Variants in OXR1 observed in about 807,000 individuals in gnomAD.
OXR1 encodes the protein oxidation resistance protein 1.
OXR1 carries 41 observed loss-of-function variants against 104.6 expected under a neutral mutation model. The observed-to-expected ratio is 0.39, with a 90% CI of 0.31 to 0.51. The LOEUF (loss-of-function observed/expected upper bound fraction) is 0.51, where lower values mean the gene tolerates loss of function less well. Among genes scored for constraint, OXR1 ranks in the 20% least tolerant of loss-of-function variants. The pLI is 0.77. For missense variants in OXR1, 955 were observed against 1,031.9 expected (o/e 0.93, Z 1.02); for synonymous variants, 348 against 348.4 (o/e 1.00, Z 0.01).
intron 3 of OXR1, among the ~76,000 whole-genome samples, chr8:106,524,922 CCT>C (rs1177795389): frequency 6.6e-6 from 1 of 152,158 alleles, no homozygotes; most frequent in Non-Finnish European, 1.5e-5. Flanking sequence ...TCACCATCCT[CCT>C]CTGTTTTTGC....
At chr8:106,615,612 A>G (rs1436351324) in intron 3 of OXR1, among the ~76,000 whole-genome samples, 1 of 151,298 alleles carries the variant, frequency 6.6e-6, no homozygotes, top group African/African-American at 2.4e-5. Flanking sequence ...TGTCTCAAAA[A>G]AAAAAAAAAA....
chr8:106,554,317 C>T (rs185635133), intron 3 of OXR1, among the ~76,000 whole-genome samples: 1 of 152,288 alleles, frequency 6.6e-6, no homozygotes, highest in Admixed American at 6.5e-5. Context: ...TACAAAATAG[C>T]CAGCACTCCT....
Position 106,386,964 on chromosome 8 carries a change from C to T in OXR1, c.23+27328C>T, listed in dbSNP as rs141415594. ...ATGATTGGAGGTGGGAATGAAACAG[C>T]AGGAGAAATAGTGATGAAGCTGCTT... On this transcript the variant is annotated intron_variant, in intron 2 of 16. Coordinates refer to ENST00000517566, the MANE Select transcript of OXR1 (RefSeq NM_001198533.2). Among the ~76,000 whole-genome samples the T allele has an allele frequency of 9.1e-4, 139 of 152,122 alleles. 1 individual carries two copies. The highest frequency in any genetic ancestry group is 3.2e-3 in the African/African-American group (134 of 41,522).
chr8:106,333,767 C>G (rs1027117145), intron 1 of OXR1, among the ~76,000 whole-genome samples: 2 of 152,046 alleles, frequency 1.3e-5, no homozygotes, highest in Non-Finnish European at 2.9e-5. Context: ...ATTCAATTGA[C>G]CATGGATATA....
In OXR1 at chr8:106,366,677, A is replaced by C. The variant is rs372810066; in HGVS notation, c.23+7041A>C. Among the ~76,000 whole-genome samples the C allele has an allele frequency of 1.1e-4, 16 of 152,334 alleles. No individual in the cohort carries two copies. In the East Asian group the frequency reaches 2.7e-3, roughly 26 times the overall value. On this transcript the variant is annotated intron_variant, in intron 2 of 16. Transcript: ENST00000517566. Reference sequence around the variant, plus strand: ...ATAGGAAAAGCTTAGCTGTGAGATAATATGAGTATTTCTCAGTGGTAAGTT... The same window carrying C: ...ATAGGAAAAGCTTAGCTGTGAGATACTATGAGTATTTCTCAGTGGTAAGTT...
In OXR1 at chr8:106,736,837, GAAAT is replaced by G. The variant is rs201172711; in HGVS notation, c.1957-679_1957-676del. ...TAAATGATACAGTAAAAACCATAAA[GAAAT>G]AAAACAGGAGAGAGGCAAAAAGTGG... On this transcript the variant is annotated intron_variant, in intron 11 of 16. Coordinates refer to ENST00000517566, the MANE Select transcript of OXR1 (RefSeq NM_001198533.2). Among the ~76,000 whole-genome samples the G allele has an allele frequency of 8.3e-3, 1,256 of 151,866 alleles. 11 individuals are homozygous for G. The highest frequency in any genetic ancestry group is 0.014 in the Non-Finnish European group (927 of 67,890).
chr8:106,412,327 G>A (rs1818489964), intron 2 of OXR1, among the ~76,000 whole-genome samples: 1 of 152,074 alleles, frequency 6.6e-6, no homozygotes, highest in Non-Finnish European at 1.5e-5. Context: ...TGCTTCAAAT[G>A]GTAGGATGGG....
chr8:106,680,860 G>T (rs575366119), intron 4 of OXR1, among the ~76,000 whole-genome samples: 2 of 151,498 alleles, frequency 1.3e-5, no homozygotes, highest in Non-Finnish European at 2.9e-5. Flanking sequence ...TCTCATTTCC[G>T]TTCCCTTTCA....
At chr8:106,366,545 T>A (rs571005653) in intron 2 of OXR1, among the ~76,000 whole-genome samples, 1 of 152,322 alleles carries the variant, frequency 6.6e-6, no homozygotes, top group African/African-American at 2.4e-5. Context: ...TGTAAGTGTA[T>A]AAAATTATCA....
intron 3 of OXR1, among the ~76,000 whole-genome samples, chr8:106,631,202 T>A (rs1401081939): frequency 6.6e-6 from 1 of 152,202 alleles, no homozygotes; most frequent in East Asian, 1.9e-4. Context: ...TAATCCTCCT[T>A]ATACCCTAGT....
chr8:106,458,658 G>A (rs1489388011), intron 2 of OXR1, among the ~76,000 whole-genome samples: 1 of 152,090 alleles, frequency 6.6e-6, no homozygotes, highest in Non-Finnish European at 1.5e-5. Context: ...CTCTAACCTA[G>A]GAGAGCTGCT....
chr8:106,317,350 C>A (rs2130163419), intron 1 of OXR1, among the ~76,000 whole-genome samples: 1 of 152,180 alleles, frequency 6.6e-6, no homozygotes, highest in East Asian at 1.9e-4. Flanking sequence ...GCTTAAGTGT[C>A]TATGGGTGGT....
Position 106,710,708 on chromosome 8 carries a change from G to A in OXR1, c.1711G>A (p.Val571Ile). The change falls in exon 10 of 17, where the codon GTA becomes ATA. Residue 571 changes from valine to isoleucine, a missense_variant. Coordinates refer to ENST00000517566, the MANE Select transcript of OXR1 (RefSeq NM_001198533.2). ...TGGAAAACCAATGAGGAAAACGTTT[G>A]TATCTCAAGCAAGTGCTACAATGCA... ...RVGKPMRKTFVSQASATMQQY... is the reference protein window; with the variant it reads ...RVGKPMRKTFISQASATMQQY... 2 of 1,604,792 alleles carry A rather than the reference G, an allele frequency of 1.2e-6. No homozygotes were observed. The highest frequency in any genetic ancestry group is 1.7e-6 in the Non-Finnish European group (2 of 1,174,876).
Position 106,745,983 on chromosome 8 carries a change from T to C in OXR1, c.2486+121T>C, listed in dbSNP as rs925202646. On this transcript the variant is annotated intron_variant, in intron 16 of 16. Transcript: ENST00000517566. Reference sequence around the variant, plus strand: ...CGTTAGAATTCAAATTTGTATATTATGAAAAAGAGAGTATAATGTATTTGC... The same window carrying C: ...CGTTAGAATTCAAATTTGTATATTACGAAAAAGAGAGTATAATGTATTTGC... The C allele has an allele frequency of 4.3e-5, 26 of 601,696 alleles. No homozygotes were observed. The Admixed American group carries it at 5.7e-4, about 13-fold the overall frequency. The allele number at this position is 601,696 out of a possible 1,614,324, so 37.3% of individuals were successfully genotyped here.
chr8:106,402,393 C>G (rs1818036237), intron 2 of OXR1, among the ~76,000 whole-genome samples: 1 of 152,180 alleles, frequency 6.6e-6, no homozygotes, highest in Admixed American at 6.6e-5. Flanking sequence ...ATCCTGACTT[C>G]ACAGGTTAGG....
rs563451131 is a variant in OXR1 at position 106,602,108 on chromosome 8, G to A, written c.221-77102G>A. ...GCTCAGATCTGAGATTGCAACCCAA[G>A]CCAACACCTGGATTTCAGCCTAGAG... On this transcript the variant is annotated intron_variant, in intron 3 of 16. Transcript: ENST00000517566. Among the ~76,000 whole-genome samples, 7 of 152,290 alleles carry A rather than the reference G, an allele frequency of 4.6e-5. No homozygotes were observed. In the East Asian group the frequency reaches 1.3e-3, roughly 29 times the overall value.
rs60404483 is a variant in OXR1, at chr8:106,671,044, C to CAAAAAAAAAAAAAAAAA, written c.221-8163_221-8147dup. On this transcript the variant is annotated intron_variant, in intron 3 of 16. Transcript: ENST00000517566. ...TGGGTGACAGAGTGAGACTCTGTCT[C>CAAAAAAAAAAAAAAAAA]AAAAAAAAAAAAAAAAAAAGAATGG... Among the ~76,000 whole-genome samples, 17 of 48,934 alleles carry CAAAAAAAAAAAAAAAAA rather than the reference C, an allele frequency of 3.5e-4. 1 individual carries two copies. Among genetic ancestry groups the CAAAAAAAAAAAAAAAAA allele is most frequent in the African/African-American group, 8.6e-4 (7 of 8,154 alleles). The allele number at this position is 48,934 out of a possible 152,430, so 32.1% of individuals were successfully genotyped here. A position where few individuals can be genotyped will look rare whatever the true frequency, so the allele number is the denominator to read the frequency against.
chr8:106,470,075 G>A (rs1212049705), intron 2 of OXR1, among the ~76,000 whole-genome samples: 1 of 151,756 alleles, frequency 6.6e-6, no homozygotes, highest in African/African-American at 2.4e-5. Context: ...CAATGAGTTA[G>A]TGAAAGAATA....
chr8:106,536,152 G>A (rs193030769), intron 3 of OXR1, among the ~76,000 whole-genome samples: 11 of 151,738 alleles, frequency 7.2e-5, no homozygotes, highest in Admixed American at 1.3e-4. Context: ...CCTGGGAGAC[G>A]GAGCTTGCAG....
Sources: allele counts gnomAD v4.1 joint callset (sites outside exome capture counted in the v4.1 genomes callset), GRCh38; gene constraint gnomAD v4.1.1; transcripts MANE v1.5; gene names NCBI Gene and HGNC (gene_info 2026-07-23, HGNC 2026-07-21).